Variants in ZNF385B observed in about 807,000 individuals in gnomAD.
ZNF385B encodes zinc finger protein 385B, also known as zinc finger protein 533.
A neutral mutation model predicts 39.2 loss-of-function variants in ZNF385B; 23 were observed. The ratio of observed to expected loss-of-function variants is 0.59; its 90% CI spans 0.42 to 0.83. The LOEUF (loss-of-function observed/expected upper bound fraction) is 0.83, where lower values mean the gene tolerates loss of function less well. ZNF385B is among the 40% of genes least tolerant of loss of function. The pLI, the probability that ZNF385B is intolerant of heterozygous loss-of-function variation, is 0.00. For synonymous variants in ZNF385B, 205 were observed against 222.6 expected, an observed-to-expected ratio of 0.92 and a Z score of 0.70; for missense variants, 552 against 598.9, an observed-to-expected ratio of 0.92 and a Z score of 0.82.
chr2:179,599,147 C>G (rs1035512237), intron 3 of ZNF385B, among the ~76,000 whole-genome samples: 12 of 152,104 alleles, frequency 7.9e-5, no homozygotes, highest in Non-Finnish European at 1.6e-4. Flanking sequence ...TTTGCTGTAC[C>G]TTTTCTATGC....
intron 3 of ZNF385B, among the ~76,000 whole-genome samples, chr2:179,632,926 T>C (rs1033785662): frequency 3.9e-5 from 6 of 152,164 alleles, no homozygotes; most frequent in African/African-American, 9.7e-5. Context: ...TATAAACACC[T>C]ATATGCAAAT....
At chr2:179,460,447 A>G (rs952781005) in intron 6 of ZNF385B, among the ~76,000 whole-genome samples, 1 of 152,194 alleles carries the variant, frequency 6.6e-6, no homozygotes, top group African/African-American at 2.4e-5. Flanking sequence ...CTGAAAGGTG[A>G]TAAGATTAAG....
chr2:179,452,017 T>A (rs1326880930), intron 6 of ZNF385B, among the ~76,000 whole-genome samples: 1 of 152,136 alleles, frequency 6.6e-6, no homozygotes, highest in Non-Finnish European at 1.5e-5. Context: ...ATTAGCAGGT[T>A]TTCTGACTGT....
chr2:179,621,043 G>A (rs946970496), intron 3 of ZNF385B, among the ~76,000 whole-genome samples: 2 of 152,090 alleles, frequency 1.3e-5, no homozygotes, highest in Non-Finnish European at 2.9e-5. Context: ...ACTACTTGAT[G>A]TCTTGGATCA....
intron 3 of ZNF385B, among the ~76,000 whole-genome samples, chr2:179,549,893 C>G (rs906311542): frequency 6.8e-6 from 1 of 147,014 alleles, no homozygotes; most frequent in African/African-American, 2.6e-5. Context: ...TTTTTTTTTT[C>G]TGATGCTCAA....
intron 3 of ZNF385B, among the ~76,000 whole-genome samples, chr2:179,674,604 A>G (rs532798742): frequency 8.5e-4 from 129 of 152,284 alleles, no homozygotes; most frequent in African/African-American, 2.7e-3. Flanking sequence ...AGCTTCAACA[A>G]TTTAGCAAAT....
intron 3 of ZNF385B, among the ~76,000 whole-genome samples, chr2:179,547,573 A>G (rs2060311012): frequency 1.3e-5 from 2 of 149,124 alleles, no homozygotes; most frequent in Non-Finnish European, 3.0e-5. Flanking sequence ...CCATTGGTCT[A>G]TGTGTCTGTT....
At chr2:179,550,010 T>C (rs1359270245) in intron 3 of ZNF385B, among the ~76,000 whole-genome samples, 1 of 149,532 alleles carries the variant, frequency 6.7e-6, no homozygotes, top group African/African-American at 2.5e-5. Flanking sequence ...AGATCTAAGA[T>C]GATGTATTAT....
At chr2:179,509,072 A>C (rs12474239) in intron 5 of ZNF385B, among the ~76,000 whole-genome samples, 6 of 151,596 alleles carry the variant, frequency 4.0e-5, no homozygotes, top group Admixed American at 3.9e-4. Flanking sequence ...TCAGCCTCCC[A>C]AGTAGCTGGG....
intron 3 of ZNF385B, among the ~76,000 whole-genome samples, chr2:179,648,372 A>G (rs541889387): frequency 1.3e-5 from 2 of 152,236 alleles, no homozygotes; most frequent in Admixed American, 1.3e-4. Flanking sequence ...TAAATAGGGA[A>G]AGGGAGAAAA....
At chr2:179,667,038 A>G (rs1695250895) in intron 3 of ZNF385B, among the ~76,000 whole-genome samples, 2 of 152,194 alleles carry the variant, frequency 1.3e-5, no homozygotes, top group Admixed American at 1.3e-4. Context: ...TAAAATATGT[A>G]TTACATTTCT....
chr2:179,503,672 C>T (rs2105739500), intron 5 of ZNF385B, among the ~76,000 whole-genome samples: 1 of 152,192 alleles, frequency 6.6e-6, no homozygotes, highest in African/African-American at 2.4e-5. Context: ...GTTCCCCTTC[C>T]TGTGTCCAAG....
chr2:179,700,688 A>C (rs538005852), intron 3 of ZNF385B, among the ~76,000 whole-genome samples: 1 of 152,298 alleles, frequency 6.6e-6, no homozygotes, highest in South Asian at 2.1e-4. Flanking sequence ...CAATTTTCAG[A>C]GTAAATCATG....
At chr2:179,733,520 C>A (rs546756483) in intron 3 of ZNF385B, among the ~76,000 whole-genome samples, 1 of 152,320 alleles carries the variant, frequency 6.6e-6, no homozygotes, top group Admixed American at 6.5e-5. Flanking sequence ...TGGTGGCTCA[C>A]ACCTGTAATC....
intron 4 of ZNF385B, among the ~76,000 whole-genome samples, chr2:179,536,099 T>G (rs1008618094): frequency 6.6e-6 from 1 of 152,234 alleles, no homozygotes; most frequent in African/African-American, 2.4e-5. Context: ...TTTGCTACTT[T>G]TTTGTATTTA....
intron 4 of ZNF385B, among the ~76,000 whole-genome samples, chr2:179,538,442 GAATTT>G (rs2059719048): frequency 6.6e-6 from 1 of 151,952 alleles, no homozygotes; most frequent in East Asian, 1.9e-4. Flanking sequence ...AAGCAAATGT[GAATTT>G]GATTCCCAAT....
Position 179,539,805 on chromosome 2 carries a change from C to T in ZNF385B, c.441+5022G>A, listed in dbSNP as rs549847465. Among the ~76,000 whole-genome samples the T allele has an allele frequency of 2.0e-5, 3 of 152,270 alleles. No individual in the cohort carries two copies. The East Asian group carries it at 5.8e-4, about 29-fold the overall frequency. On this transcript the variant is annotated intron_variant, in intron 4 of 9. Coordinates refer to ENST00000410066, the MANE Select transcript of ZNF385B (RefSeq NM_152520.6). The stretch of plus-strand genomic sequence containing the variant: ...GATTTTTTCTGTTGTTTCTTGAACA[C>T]TATAAACTTTGGTAGCGATTTTCAG...
At position 179,501,978 on chromosome 2, in the gene ZNF385B, C is replaced by T. The variant is rs374237851; in HGVS notation, c.552+16550G>A. ...TATATATGTTGTTTCCAAAGTTGTG[C>T]TATCATTATACAAAACATTATACAA... On this transcript the variant is annotated intron_variant, in intron 5 of 9. Transcript: ENST00000410066. 6.6e-5 allele frequency among the ~76,000 whole-genome samples: 10 copies of T among 152,228 alleles called. No individual in the cohort carries two copies. The East Asian group carries it at 9.7e-4, about 15-fold the overall frequency.
chr2:179,816,663 T>C (rs986912066), intron 1 of ZNF385B, among the ~76,000 whole-genome samples: 60 of 152,332 alleles, frequency 3.9e-4, no homozygotes, highest in African/African-American at 1.4e-3. Context: ...AGTTCAATGT[T>C]TGTCCTAGGT....
Sources: allele counts gnomAD v4.1 joint callset (sites outside exome capture counted in the v4.1 genomes callset), GRCh38; gene constraint gnomAD v4.1.1; transcripts MANE v1.5; gene names NCBI Gene and HGNC (gene_info 2026-07-23, HGNC 2026-07-21).